SPAG16: variants seen among roughly 807,000 people sequenced by gnomAD.
SPAG16 encodes sperm associated antigen 16.
SPAG16 carries 86 observed loss-of-function variants against 80.4 expected under a neutral mutation model. The observed-to-expected ratio is 1.07, with a 90% CI of 0.90 to 1.28. The LOEUF (loss-of-function observed/expected upper bound fraction) is 1.28, where lower values mean the gene tolerates loss of function less well. Among genes scored for constraint, SPAG16 ranks in the 50% most tolerant of loss-of-function variants. The pLI, the probability that SPAG16 is intolerant of heterozygous loss-of-function variation, is 0.00. For synonymous variants in SPAG16, 294 were observed against 265.9 expected (o/e 1.11, Z -1.03); for missense variants, 870 against 765.3 (o/e 1.14, Z -1.61).
At chr2:214,067,717 T>G (rs767610582) in intron 13 of SPAG16, among the ~76,000 whole-genome samples, 2 of 152,158 alleles carry the variant, frequency 1.3e-5, no homozygotes, top group Non-Finnish European at 2.9e-5. Context: ...ATCCGGGTCT[T>G]TTCAAGATGG....
At chr2:213,669,690 AT>A (rs1468143753) in intron 10 of SPAG16, among the ~76,000 whole-genome samples, 1 of 152,188 alleles carries the variant, frequency 6.6e-6, no homozygotes, top group East Asian at 1.9e-4. Flanking sequence ...AAGCGCTTGG[AT>A]TTAATGAGAA....
chr2:214,024,274 A>T (rs2048028281), intron 13 of SPAG16, among the ~76,000 whole-genome samples: 1 of 151,606 alleles, frequency 6.6e-6, no homozygotes, highest in South Asian at 2.1e-4. Context: ...AAATCATCTC[A>T]AAAACTTTTC....
At chr2:214,301,225 T>C (rs986380367) in intron 15 of SPAG16, among the ~76,000 whole-genome samples, 23 of 108,902 alleles carry the variant, frequency 2.1e-4, no homozygotes, top group Non-Finnish European at 3.4e-4. Flanking sequence ...TATGATAATA[T>C]CAATAGATGT....
At chr2:213,827,431 A>G (rs2073371483) in intron 10 of SPAG16, among the ~76,000 whole-genome samples, 1 of 152,074 alleles carries the variant, frequency 6.6e-6, no homozygotes, top group Non-Finnish European at 1.5e-5. Flanking sequence ...CTCTTTGCAT[A>G]AATAAACTAA....
At chr2:213,934,080 A>G (rs2078887789) in intron 12 of SPAG16, among the ~76,000 whole-genome samples, 1 of 152,206 alleles carries the variant, frequency 6.6e-6, no homozygotes, top group Non-Finnish European at 1.5e-5. Context: ...AGGAACCTAC[A>G]GTGGAACTAA....
chr2:214,050,676 C>T (rs879320545), intron 13 of SPAG16, among the ~76,000 whole-genome samples: 2 of 152,156 alleles, frequency 1.3e-5, no homozygotes, highest in Non-Finnish European at 2.9e-5. Flanking sequence ...ATGTTTGCCT[C>T]ATTATCATTG....
intron 15 of SPAG16, among the ~76,000 whole-genome samples, chr2:214,188,488 A>G (rs2057550307): frequency 1.3e-5 from 2 of 152,182 alleles, no homozygotes; most frequent in Non-Finnish European, 2.9e-5. Flanking sequence ...TTGAAATTCC[A>G]TAGTTTAGAA....
At chr2:213,717,331 GT>G (rs980091804) in intron 10 of SPAG16, among the ~76,000 whole-genome samples, 55 of 151,846 alleles carry the variant, frequency 3.6e-4, no homozygotes, top group African/African-American at 1.2e-3. Flanking sequence ...GCTAATTTTT[GT>G]TGCATTTTTA....
chr2:213,562,817 G>C (rs957862617), intron 10 of SPAG16, among the ~76,000 whole-genome samples: 3 of 152,074 alleles, frequency 2.0e-5, no homozygotes, highest in Non-Finnish European at 4.4e-5. Flanking sequence ...TTGATGCCTG[G>C]TGAGGGCCGA....
chr2:213,376,980 G>A (rs2066911436), intron 9 of SPAG16, among the ~76,000 whole-genome samples: 1 of 152,010 alleles, frequency 6.6e-6, no homozygotes, highest in Admixed American at 6.6e-5. Flanking sequence ...CCCCTGTTAT[G>A]TATTCTCATA....
chr2:213,844,665 T>TTAA (rs1254416648), intron 10 of SPAG16, among the ~76,000 whole-genome samples: 1 of 152,224 alleles, frequency 6.6e-6, no homozygotes, highest in East Asian at 1.9e-4. Context: ...TAACTGATTA[T>TTAA]TAATAAGGTG....
chr2:213,367,576 A>C (rs529402793), intron 8 of SPAG16, among the ~76,000 whole-genome samples: 2 of 152,336 alleles, frequency 1.3e-5, no homozygotes, highest in East Asian at 3.9e-4. Flanking sequence ...TTGGCTGCAT[A>C]AATGTCTTCT....
At chr2:213,539,031 C>T (rs1469716157) in intron 10 of SPAG16, among the ~76,000 whole-genome samples, 1 of 152,124 alleles carries the variant, frequency 6.6e-6, no homozygotes, top group African/African-American at 2.4e-5. Flanking sequence ...AAACTATGCA[C>T]ATAATCTGGT....
At chr2:214,205,216 T>G (rs1054515367) in intron 15 of SPAG16, among the ~76,000 whole-genome samples, 4 of 142,666 alleles carry the variant, frequency 2.8e-5, no homozygotes, top group African/African-American at 7.4e-5. Flanking sequence ...AGAGCGAGAC[T>G]CTGCCAAAAA....
intron 10 of SPAG16, among the ~76,000 whole-genome samples, chr2:213,759,432 CAT>C (rs1320884580): frequency 6.6e-6 from 1 of 151,780 alleles, no homozygotes; most frequent in Non-Finnish European, 1.5e-5. Context: ...AAAATACTTA[CAT>C]GTTTATATTT....
intron 10 of SPAG16, among the ~76,000 whole-genome samples, chr2:213,790,951 G>A (rs2070661836): frequency 6.6e-6 from 1 of 151,978 alleles, no homozygotes; most frequent in African/African-American, 2.4e-5. Context: ...TCTCTACTCA[G>A]CTAAATTAGA....
At chr2:214,025,070 G>A (rs954018821) in intron 13 of SPAG16, among the ~76,000 whole-genome samples, 2 of 151,390 alleles carry the variant, frequency 1.3e-5, no homozygotes, top group African/African-American at 4.8e-5. Context: ...TTTTAAAATG[G>A]GAATAATAAT....
intron 13 of SPAG16, among the ~76,000 whole-genome samples, chr2:214,075,291 A>G (rs1347738120): frequency 1.3e-5 from 2 of 152,048 alleles, no homozygotes; most frequent in Non-Finnish European, 2.9e-5. Flanking sequence ...AAATCCTCAC[A>G]TACCCAAAAG....
intron 14 of SPAG16, among the ~76,000 whole-genome samples, chr2:214,113,565 C>T (rs113995258): frequency 0.098 from 14,840 of 152,122 alleles, 930 homozygotes; most frequent in East Asian, 0.29. Context: ...CTTTATTTCA[C>T]TAATTTTATC....
Sources: gnomAD v4.1 joint callset for allele counts (sites outside exome capture counted in the v4.1 genomes callset) on GRCh38, gnomAD v4.1.1 for gene constraint, MANE v1.5 for transcripts, NCBI Gene and HGNC (gene_info 2026-07-23, HGNC 2026-07-21) for gene names.